The following PTPRD variants were observed in gnomAD, a reference collection of about 807,000 sequenced individuals.
PTPRD encodes protein tyrosine phosphatase receptor type D.
In PTPRD, 34 loss-of-function variants were observed where a neutral mutation model predicts 214.5. That is an observed-to-expected ratio of 0.16 (90% CI 0.12 to 0.21). The LOEUF is 0.21. Among genes scored for constraint, PTPRD ranks in the 10% least tolerant of loss-of-function variants. The pLI is 1.00. For missense variants in PTPRD, 2,545 were observed against 2,398.7 expected, an observed-to-expected ratio of 1.06 and a Z score of -1.27; for synonymous variants, 1,128 against 845.7, an observed-to-expected ratio of 1.33 and a Z score of -5.79.
chr9:8,986,415 G>A (rs956455756), intron 11 of PTPRD, among the ~76,000 whole-genome samples: 27 of 151,468 alleles, frequency 1.8e-4, no homozygotes, highest in Non-Finnish European at 3.1e-4. Flanking sequence ...TTTTCATTTT[G>A]TATAATTTTT....
intron 7 of PTPRD, among the ~76,000 whole-genome samples, chr9:9,646,245 G>C (rs1165632655): frequency 1.3e-5 from 2 of 151,706 alleles, no homozygotes; most frequent in Non-Finnish European, 2.9e-5. Flanking sequence ...GCTCTTGATG[G>C]AAAGTTTTCT....
intron 39 of PTPRD, among the ~76,000 whole-genome samples, chr9:8,371,223 A>T (rs565933085): frequency 6.6e-6 from 1 of 152,158 alleles, no homozygotes; most frequent in African/African-American, 2.4e-5. Context: ...CCCAATATAA[A>T]GGGAAAAAAA....
chr9:9,529,280 A>C (rs1369195329), intron 8 of PTPRD, among the ~76,000 whole-genome samples: 1 of 152,032 alleles, frequency 6.6e-6, no homozygotes, highest in Non-Finnish European at 1.5e-5. Context: ...AACAAAAAAA[A>C]AAAATAATAA....
chr9:9,432,842 G>T (rs1276975561), intron 8 of PTPRD, among the ~76,000 whole-genome samples: 1 of 152,232 alleles, frequency 6.6e-6, no homozygotes, highest in African/African-American at 2.4e-5. Flanking sequence ...ACAAAGAAAG[G>T]ATTACAGCCA....
At chr9:8,717,107 C>G (rs2098445065) in intron 12 of PTPRD, among the ~76,000 whole-genome samples, 1 of 152,076 alleles carries the variant, frequency 6.6e-6, no homozygotes, top group Non-Finnish European at 1.5e-5. Context: ...TGCACCTGTA[C>G]CCCATCCTGG....
intron 7 of PTPRD, among the ~76,000 whole-genome samples, chr9:9,607,566 T>A (rs917595332): frequency 1.3e-5 from 2 of 152,136 alleles, no homozygotes; most frequent in African/African-American, 4.8e-5. Context: ...GTCTTCTTTA[T>A]CCATCCTCAG....
At chr9:8,484,026 G>T in intron 30 of PTPRD, 93 bp downstream of exon 30, 1 of 1,466,896 alleles carries the variant, frequency 6.8e-7, no homozygotes, top group African/African-American at 1.4e-5. Flanking sequence ...ACATTAAGCA[G>T]TATCTTCTTT....
chr9:8,626,207 AC>A (rs2096027935), intron 14 of PTPRD, among the ~76,000 whole-genome samples: 1 of 151,918 alleles, frequency 6.6e-6, no homozygotes, highest in Non-Finnish European at 1.5e-5. Flanking sequence ...ATGAAAGCCA[AC>A]CAACTACCTA....
At chr9:8,545,232 T>C (rs1564215980) in intron 14 of PTPRD, among the ~76,000 whole-genome samples, 1 of 152,192 alleles carries the variant, frequency 6.6e-6, no homozygotes, top group African/African-American at 2.4e-5. Context: ...ATATTATTCG[T>C]TTTCATACTT....
chr9:8,526,602 G>C (rs765207055), intron 17 of PTPRD, 25 bp downstream of exon 17: 1 of 1,560,054 alleles, frequency 6.4e-7, no homozygotes, highest in East Asian at 2.3e-5. Flanking sequence ...AGATCATTCT[G>C]TGAACGTTAG....
chr9:8,474,842 A>G (rs1292888079), intron 30 of PTPRD, among the ~76,000 whole-genome samples: 2 of 152,032 alleles, frequency 1.3e-5, no homozygotes, highest in Middle Eastern at 3.2e-3. Context: ...TTGGTAAAGT[A>G]GAAGGGCTGG....
chr9:8,995,193 A>G (rs2099391913), intron 11 of PTPRD, among the ~76,000 whole-genome samples: 1 of 152,098 alleles, frequency 6.6e-6, no homozygotes, highest in Admixed American at 6.6e-5. Flanking sequence ...TATTTTAGAC[A>G]GTGAAATTTG....
At chr9:9,676,208 G>A (rs1043607991) in intron 7 of PTPRD, among the ~76,000 whole-genome samples, 1 of 151,958 alleles carries the variant, frequency 6.6e-6, no homozygotes, top group African/African-American at 2.4e-5. Flanking sequence ...CATGTGCCAT[G>A]TTGGTGTGCC....
intron 3 of PTPRD, among the ~76,000 whole-genome samples, chr9:10,260,910 C>T (rs2093646596): frequency 6.6e-6 from 1 of 150,768 alleles, no homozygotes; most frequent in Non-Finnish European, 1.5e-5. Context: ...CTTTCTAATT[C>T]TTGTATAGTC....
chr9:8,412,895 A>G (rs574407832), intron 35 of PTPRD, among the ~76,000 whole-genome samples: 1 of 152,324 alleles, frequency 6.6e-6, no homozygotes, highest in Admixed American at 6.5e-5. Context: ...TGCATTTCAT[A>G]TAATAGAAAC....
chr9:9,898,725 T>A (rs566327730), intron 5 of PTPRD, among the ~76,000 whole-genome samples: 3 of 152,186 alleles, frequency 2.0e-5, no homozygotes, highest in African/African-American at 7.2e-5. Flanking sequence ...TTAAGTCTAG[T>A]TTAAGAAACC....
intron 7 of PTPRD, among the ~76,000 whole-genome samples, chr9:9,586,039 A>T (rs931543051): frequency 6.6e-6 from 1 of 151,970 alleles, no homozygotes; most frequent in African/African-American, 2.4e-5. Flanking sequence ...GTGACCTGAA[A>T]ATGTCCCCAA....
At chr9:10,156,705 AG>A (rs1442233342) in intron 3 of PTPRD, among the ~76,000 whole-genome samples, 1 of 152,136 alleles carries the variant, frequency 6.6e-6, no homozygotes, top group Non-Finnish European at 1.5e-5. Flanking sequence ...TTTCTGCCTC[AG>A]TGTTCTGTCT....
intron 34 of PTPRD, among the ~76,000 whole-genome samples, chr9:8,442,193 C>T (rs568724614): frequency 3.9e-5 from 6 of 152,286 alleles, no homozygotes; most frequent in African/African-American, 1.4e-4. Flanking sequence ...AACTGGAATG[C>T]TATTTGGCAG....
Sources: allele counts gnomAD v4.1 joint callset (sites outside exome capture counted in the v4.1 genomes callset), GRCh38; gene constraint gnomAD v4.1.1; transcripts MANE v1.5; gene names NCBI Gene and HGNC (gene_info 2026-07-23, HGNC 2026-07-21).